The following SORCS2 variants were observed in gnomAD, a reference collection of about 807,000 sequenced individuals.
SORCS2 encodes VPS10 domain-containing receptor SorCS2.
Under a neutral mutation model 141.6 loss-of-function variants are expected in SORCS2, and 100 were observed. The ratio of observed to expected loss-of-function variants is 0.71; its 90% CI spans 0.60 to 0.83. The LOEUF is 0.83. Ranked by LOEUF, SORCS2 falls within the 40% of genes least tolerant of loss-of-function variation. The pLI, the probability that SORCS2 is intolerant of heterozygous loss-of-function variation, is 0.00. For missense variants in SORCS2, 1,646 were observed against 1,560.2 expected, an observed-to-expected ratio of 1.05 and a Z score of -0.93; for synonymous variants, 789 against 676.9, an observed-to-expected ratio of 1.17 and a Z score of -2.57.
intron 1 of SORCS2, among the ~76,000 whole-genome samples, chr4:7,387,892 G>C (rs946296863): frequency 4.3e-5 from 5 of 115,472 alleles, no homozygotes; most frequent in Non-Finnish European, 9.3e-5. Flanking sequence ...GCACACACAG[G>C]CACACAGAGA....
At chr4:7,464,901 G>A (rs1350666961) in intron 2 of SORCS2, among the ~76,000 whole-genome samples, 1 of 152,222 alleles carries the variant, frequency 6.6e-6, no homozygotes, top group Non-Finnish European at 1.5e-5. Context: ...AAAAGCCGGC[G>A]CCTCCGGCCA....
rs560572157 is a variant in SORCS2 at position 7,669,474 on chromosome 4, G to A, written c.1161+2261G>A. 1.3e-3 allele frequency among the ~76,000 whole-genome samples: 198 copies of A among 152,278 alleles called. 1 individual carries two copies. Among genetic ancestry groups the A allele is most frequent in the African/African-American group, 4.5e-3 (187 of 41,558 alleles). On this transcript the variant is annotated intron_variant, in intron 8 of 26. Coordinates refer to ENST00000507866, the MANE Select transcript of SORCS2 (RefSeq NM_020777.3). Reference sequence around the variant, plus strand: ...AGACCTTTGCCCAGCCAGCCAGCTAGCCTGCTTCCTCTCCACCCAGGTCAG... The same window carrying A: ...AGACCTTTGCCCAGCCAGCCAGCTAACCTGCTTCCTCTCCACCCAGGTCAG...
rs377348313 is a variant in SORCS2, at chr4:7,721,770, C to T, written c.2425-1927C>T. Among the ~76,000 whole-genome samples the T allele has an allele frequency of 1.3e-3, 204 of 152,270 alleles. 1 individual carries two copies. Among genetic ancestry groups the T allele is most frequent in the Non-Finnish European group, 1.1e-3 (75 of 68,032 alleles). On this transcript the variant is annotated intron_variant, in intron 18 of 26. Coordinates refer to ENST00000507866, the MANE Select transcript of SORCS2 (RefSeq NM_020777.3). ...CCTGTATCAGTGTTAACCTCCTAGTCGTGATACTATCATTTGGCAAGATGT... is the reference window on the plus strand; with the variant it reads ...CCTGTATCAGTGTTAACCTCCTAGTTGTGATACTATCATTTGGCAAGATGT...
At chr4:7,647,178 A>G (rs187341266) in intron 4 of SORCS2, among the ~76,000 whole-genome samples, 27 of 152,056 alleles carry the variant, frequency 1.8e-4, no homozygotes, top group Middle Eastern at 3.4e-3. Context: ...CCCATTCCAG[A>G]TGATTGAGCT....
At chr4:7,463,061 G>C (rs1017719464) in intron 2 of SORCS2, among the ~76,000 whole-genome samples, 1 of 151,888 alleles carries the variant, frequency 6.6e-6, no homozygotes, top group Non-Finnish European at 1.5e-5. Context: ...GGCCCCTCCA[G>C]TTCAGTGTTC....
chr4:7,655,690 C>T (rs921354012), intron 5 of SORCS2, among the ~76,000 whole-genome samples: 1 of 152,266 alleles, frequency 6.6e-6, no homozygotes, highest in African/African-American at 2.4e-5. Flanking sequence ...AGCCATCCAT[C>T]ACTGGCCTTG....
rs117313260 is a variant in SORCS2, at chr4:7,677,074, G to A, written c.1341+845G>A. 2.5e-3 allele frequency among the ~76,000 whole-genome samples: 376 copies of A among 151,184 alleles called. 15 individuals are homozygous for A. In the East Asian group the frequency reaches 0.066, roughly 27 times the overall value. On this transcript the variant is annotated intron_variant, in intron 9 of 26. Coordinates refer to ENST00000507866, the MANE Select transcript of SORCS2 (RefSeq NM_020777.3). ...CGCTTGCTTTCACTTGCTTGCTCTC[G>A]CTCTCTGTCTCCCTGGAACCCAGCC... is the stretch of plus-strand genomic sequence containing the variant.
intron 18 of SORCS2, among the ~76,000 whole-genome samples, chr4:7,718,986 C>G (rs1189651581): frequency 6.6e-6 from 1 of 152,204 alleles, no homozygotes; most frequent in African/African-American, 2.4e-5. Flanking sequence ...AACTTACAAG[C>G]ATTGCAGAAA....
intron 1 of SORCS2, among the ~76,000 whole-genome samples, chr4:7,312,743 G>A (rs908975678): frequency 8.5e-5 from 13 of 152,208 alleles, no homozygotes; most frequent in African/African-American, 3.1e-4. Flanking sequence ...CGGAGCAAAT[G>A]TCACGCCCCT....
chr4:7,324,401 C>G (rs1300424621), intron 1 of SORCS2, among the ~76,000 whole-genome samples: 1 of 152,188 alleles, frequency 6.6e-6, no homozygotes, highest in African/African-American at 2.4e-5. Flanking sequence ...CTAACAGGTG[C>G]CCCTGCAGCT....
chr4:7,215,456 G>A (rs868447322), intron 1 of SORCS2, among the ~76,000 whole-genome samples: 8 of 152,298 alleles, frequency 5.3e-5, no homozygotes, highest in Non-Finnish European at 8.8e-5. Context: ...CCTGACGAGC[G>A]CGACCCCCTG....
chr4:7,425,715 G>A lies in SORCS2; in HGVS notation c.548+29360G>A, dbSNP rs566863409. 2.6e-3 allele frequency among the ~76,000 whole-genome samples: 389 copies of A among 152,304 alleles called. 1 individual carries two copies. The highest frequency in any genetic ancestry group is 3.4e-3 in the Middle Eastern group (1 of 294). On this transcript the variant is annotated intron_variant, in intron 2 of 26. Transcript: ENST00000507866. ...TCTTCAGGTGGGTTTGGTTTGGCCC[G>A]GCCCGCAGTGGACCGAGCTGTCAGC... is the stretch of plus-strand genomic sequence containing the variant.
intron 5 of SORCS2, among the ~76,000 whole-genome samples, chr4:7,655,724 C>A (rs1721726568): frequency 6.6e-6 from 1 of 152,216 alleles, no homozygotes. Context: ...CTGTCAGCAG[C>A]CAGAGCTGCC....
chr4:7,440,289 C>A (rs1343100255), intron 2 of SORCS2, among the ~76,000 whole-genome samples: 2 of 152,192 alleles, frequency 1.3e-5, no homozygotes, highest in African/African-American at 4.8e-5. Context: ...AGCTCTCTCC[C>A]CAAATAATTG....
chr4:7,314,717 G>A (rs1425043726), intron 1 of SORCS2, among the ~76,000 whole-genome samples: 1 of 151,474 alleles, frequency 6.6e-6, no homozygotes, highest in Admixed American at 6.6e-5. Context: ...GGAGGGACCA[G>A]GTCTTGTCAC....
rs995735151 is a variant in SORCS2 at position 7,740,775 on chromosome 4, C to T, written c.*511C>T. On this transcript the variant is annotated 3_prime_UTR_variant, in exon 27 of 27. Transcript: ENST00000507866. ...GTGCCAGGCCCTCCCAACACCACAC[C>T]ACCCTCCAGGCCCCCCTGCCCTCCG... The T allele has an allele frequency of 1.2e-5, 4 of 344,076 alleles. No homozygotes were observed. Among genetic ancestry groups the T allele is most frequent in the Non-Finnish European group, 2.1e-5 (4 of 191,580 alleles). The allele number at this position is 344,076 out of a possible 1,614,324, so 21.3% of individuals were successfully genotyped here.
intron 11 of SORCS2, among the ~76,000 whole-genome samples, chr4:7,695,356 GTGGA>G (rs140095523): frequency 1.6e-3 from 61 of 37,244 alleles, no homozygotes; most frequent in Non-Finnish European, 2.1e-3. Flanking sequence ...GGATTGGTGG[GTGGA>G]TGGATGGATG....
intron 2 of SORCS2, among the ~76,000 whole-genome samples, chr4:7,423,196 GCA>G (rs1409959875): frequency 6.6e-6 from 1 of 152,120 alleles, no homozygotes; most frequent in Non-Finnish European, 1.5e-5. Flanking sequence ...TCTCTTCATT[GCA>G]CTGATCATAA....
rs568519282 is a variant in SORCS2 at position 7,192,559 on chromosome 4, G to C, written c.-88G>C. On this transcript the variant is annotated 5_prime_UTR_variant, in exon 1 of 27. Coordinates refer to ENST00000507866, the MANE Select transcript of SORCS2 (RefSeq NM_020777.3). This position sits in a 1 kb window ranked among gnomAD's most constrained non-coding sequence, Gnocchi z 4.0. ...GGCTCCTTTCTCTGCGCTCTCGCTC[G>C]CGCTCCCCAGCGCCCTCCTGCTCTC... 1.3e-4 allele frequency: 123 copies of C among 974,442 alleles called. No homozygotes were observed. The African/African-American group carries it at 2.1e-3, about 16-fold the overall frequency. The allele number at this position is 974,442 out of a possible 1,614,324, so 60.4% of individuals were successfully genotyped here. A position where few individuals can be genotyped will look rare whatever the true frequency, so the allele number is the denominator to read the frequency against.
Sources: allele counts gnomAD v4.1 joint callset (sites outside exome capture counted in the v4.1 genomes callset), GRCh38; gene constraint gnomAD v4.1.1; non-coding constraint Gnocchi (gnomAD v3.1); transcripts MANE v1.5; gene names NCBI Gene and HGNC (gene_info 2026-07-23, HGNC 2026-07-21).